The following VWA7 variants were observed in gnomAD, a reference collection of about 807,000 sequenced individuals.
The protein encoded by VWA7 is von Willebrand factor A domain-containing protein 7.
VWA7 carries 66 observed loss-of-function variants against 83.1 expected under a neutral mutation model. The ratio of observed to expected loss-of-function variants is 0.79; its 90% CI spans 0.65 to 0.98. The LOEUF (loss-of-function observed/expected upper bound fraction) is 0.98. Among genes scored for constraint, VWA7 ranks in the 50% least tolerant of loss-of-function variants. The pLI, the probability that VWA7 is intolerant of heterozygous loss-of-function variation, is 0.00. For missense variants in VWA7, 1,080 were observed against 1,160.2 expected (o/e 0.93, Z 1.00); for synonymous variants, 424 against 488.5 (o/e 0.87, Z 1.74).
rs569643687 is a variant in VWA7 at position 31,765,594 on chromosome 6, T to A, written c.2676A>T (p.Ter892CysextTer?). 18 of 1,610,336 alleles carry A rather than the reference T, an allele frequency of 1.1e-5. No homozygotes were observed. The East Asian group carries it at 3.6e-4, about 32-fold the overall frequency. Reference sequence around the variant, plus strand: ...ACCCATCCCTTTAGAGCCCGTTGTGTCACCAGGAGGCCAGGCCTAGCAGAA... The same window carrying A: ...ACCCATCCCTTTAGAGCCCGTTGTGACACCAGGAGGCCAGGCCTAGCAGAA... ...VLLLLGLASW* is the reference protein window; with the variant it reads ...VLLLLGLASWC The change falls in exon 17 of 17, where the codon TGA becomes TGT. Residue 892 changes from the stop codon to cysteine (C), a stop_lost. Coordinates refer to ENST00000375688, the MANE Select transcript of VWA7 (RefSeq NM_025258.3).
rs1811578780 is a variant in VWA7, at chr6:31,766,397, G to A, written c.2185-13C>T. The A allele has an allele frequency of 6.3e-7, 1 of 1,588,832 alleles. No individual in the cohort carries two copies. Among genetic ancestry groups the A allele is most frequent in the Non-Finnish European group, 8.6e-7 (1 of 1,168,286 alleles). ...AGGGGCCACTAAGCTGCAGAGAAGG[G>A]TTCTTCAGGGAAGGGGCCGCTCTAA... On this transcript the variant is annotated splice_polypyrimidine_tract_variant and intron_variant, in intron 14 of 16. Transcript: ENST00000375688. This position sits in a 1 kb window ranked among gnomAD's most constrained non-coding sequence, Gnocchi z 4.9.
intron 7 of VWA7, among the ~76,000 whole-genome samples, chr6:31,772,121 G>T (rs1236102030): frequency 6.6e-6 from 1 of 151,452 alleles, no homozygotes; most frequent in Non-Finnish European, 1.5e-5. Context: ...AGAAAGAGTG[G>T]GAGGCAAGTC....
chr6:31,777,079 A>G lies in VWA7; in HGVS notation c.-16+30T>C. 1 of 398,366 alleles carries G rather than the reference A, an allele frequency of 2.5e-6. No individual in the cohort carries two copies. Among genetic ancestry groups the G allele is most frequent in the Non-Finnish European group, 4.5e-6 (1 of 224,246 alleles). 24.7% of individuals were successfully genotyped at this position (398,366 alleles called of 1,614,324 possible). ...CGCAGAAACACTCCCCATGCTCAGGAAGCCTGAGTCCTCTCAGGCCCTCCC... is the reference window on the plus strand; with the variant it reads ...CGCAGAAACACTCCCCATGCTCAGGGAGCCTGAGTCCTCTCAGGCCCTCCC... On this transcript the variant is annotated intron_variant, in intron 1 of 16. Coordinates refer to ENST00000375688, the MANE Select transcript of VWA7 (RefSeq NM_025258.3). The surrounding 1 kb of genome is among the most constrained non-coding windows in gnomAD (Gnocchi z 5.8).
rs200770992 is a variant in VWA7, at chr6:31,767,635, G to C, written c.1623C>G (p.Ile541Met). The C allele has an allele frequency of 1.2e-6, 2 of 1,612,270 alleles. No individual in the cohort carries two copies. Among genetic ancestry groups the C allele is most frequent in the Non-Finnish European group, 1.7e-6 (2 of 1,178,446 alleles). The change falls in exon 11 of 17, where the codon ATC becomes ATG. Residue 541 changes from isoleucine (I) to methionine (M), a missense_variant. Ile to Met is a conservative substitution (Grantham distance 10). Transcript: ENST00000375688. Reference protein sequence around the residue: ...RIHGDISSFWIKNPAGVSQGQ... With the variant: ...RIHGDISSFWMKNPAGVSQGQ... ...CTTCAGAGGTACCTGCAGGGTTCTT[G>C]ATCCAGAAGCTGCTGATGTCTCCGT...
Position 31,766,266 on chromosome 6 carries a change from G to A in VWA7, c.2303C>T (p.Ser768Phe). ...DLRTFVNPSF[S>F]LTSNLSRAHL... ...TCACCTGGAGAGGTTGGAGGTGAGG[G>A]AGAAGCTGGGGTTGACGAAAGTCCT... Residue 768 changes from serine (S) to phenylalanine (F), a missense_variant, in exon 15 of 17, where the codon TCC becomes TTC. By Grantham distance (155) the Ser-to-Phe change is radical. Coordinates refer to ENST00000375688, the MANE Select transcript of VWA7 (RefSeq NM_025258.3). The surrounding 1 kb of genome is among the most constrained non-coding windows in gnomAD (Gnocchi z 4.9). The A allele has an allele frequency of 6.2e-7, 1 of 1,612,522 alleles. No individual in the cohort carries two copies. Among genetic ancestry groups the A allele is most frequent in the East Asian group, 2.2e-5 (1 of 44,880 alleles).
chr6:31,765,721 G>A lies in VWA7; in HGVS notation c.2549C>T (p.Ala850Val). ...TGTGAAGGGGGAAAAGGCAGGGGTG[G>A]CCGTGGTGAGGATCGGGTCAGATGA... ...TGSSDPILTTATPAFSPFTLV... is the reference protein window; with the variant it reads ...TGSSDPILTTVTPAFSPFTLV... Residue 850 changes from alanine (A) to valine (V), a missense_variant, in exon 17 of 17, where the codon GCC becomes GTC. Coordinates refer to ENST00000375688, the MANE Select transcript of VWA7 (RefSeq NM_025258.3). 1 of 1,594,072 alleles carries A rather than the reference G, an allele frequency of 6.3e-7. No homozygotes were observed. The highest frequency in any genetic ancestry group is 8.5e-7 in the Non-Finnish European group (1 of 1,170,870).
intron 10 of VWA7, 108 bp from the exon 11 acceptor site, chr6:31,767,862 G>C (rs752289014): frequency 6.7e-6 from 9 of 1,335,894 alleles, no homozygotes; most frequent in Non-Finnish European, 9.1e-6. Flanking sequence ...GCCGGGCGCA[G>C]TTGGTCACGC....
chr6:31,766,297 C>G lies in VWA7; in HGVS notation c.2272G>C (p.Asp758His). Residue 758 changes from aspartate (D) to histidine (H), a missense_variant, in exon 15 of 17, where the codon GAC becomes CAC. Coordinates refer to ENST00000375688, the MANE Select transcript of VWA7 (RefSeq NM_025258.3). This position sits in a 1 kb window ranked among gnomAD's most constrained non-coding sequence, Gnocchi z 4.9. ...CTGGGGTTGACGAAAGTCCTAAGGT[C>G]AAGATCCTGAGGGCCCGAGAAGCTG... ...IASFSGPQDLDLRTFVNPSFS... is the reference protein window; with the variant it reads ...IASFSGPQDLHLRTFVNPSFS... The G allele has an allele frequency of 6.2e-7, 1 of 1,612,516 alleles. No homozygotes were observed.
At position 31,776,756 on chromosome 6, in the gene VWA7, T is replaced by C. The variant is rs533891464; in HGVS notation, c.24A>G (p.Gln8=). Reference sequence around the variant, plus strand: ...GCAACGCTGAGGGGCCCGGGTGGGATTGGGGGACCTCCGTGGGGAGCATGG... The same window carrying C: ...GCAACGCTGAGGGGCCCGGGTGGGACTGGGGGACCTCCGTGGGGAGCATGG... MLPTEVP[Q]SHPGPSALLL... The change falls in exon 2 of 17, where the codon CAA becomes CAG. Residue 8 remains glutamine, a synonymous_variant. Coordinates refer to ENST00000375688, the MANE Select transcript of VWA7 (RefSeq NM_025258.3). This position sits in a 1 kb window ranked among gnomAD's most constrained non-coding sequence, Gnocchi z 6.2. 1.1e-5 allele frequency: 16 copies of C among 1,448,480 alleles called. No homozygotes were observed. The highest frequency in any genetic ancestry group is 2.9e-5 in the African/African-American group (2 of 69,508). The allele number at this position is 1,448,480 out of a possible 1,614,324, so 89.7% of individuals were successfully genotyped here.
chr6:31,776,516 A>T lies in VWA7; in HGVS notation c.234+30T>A. Reference sequence around the variant, plus strand: ...GCCCCATGGAATTGGGGACTCTGGCAGGGGTGTGACAGGACCCTGGGATGC... The same window carrying T: ...GCCCCATGGAATTGGGGACTCTGGCTGGGGTGTGACAGGACCCTGGGATGC... On this transcript the variant is annotated intron_variant, in intron 2 of 16. Transcript: ENST00000375688. This position sits in a 1 kb window ranked among gnomAD's most constrained non-coding sequence, Gnocchi z 6.2. 1 of 1,512,914 alleles carries T rather than the reference A, an allele frequency of 6.6e-7. No individual in the cohort carries two copies. The allele number at this position is 1,512,914 out of a possible 1,614,324, so 93.7% of individuals were successfully genotyped here.
At chr6:31,774,849 G>A (rs1046466072) in intron 4 of VWA7, among the ~76,000 whole-genome samples, 5 of 152,132 alleles carry the variant, frequency 3.3e-5, no homozygotes, top group African/African-American at 9.7e-5. Context: ...GGCTGGGTGC[G>A]GTGGCTCACG....
Position 31,776,959 on chromosome 6 carries a change from G to T in VWA7, c.-16+150C>A. On this transcript the variant is annotated intron_variant, in intron 1 of 16. Coordinates refer to ENST00000375688, the MANE Select transcript of VWA7 (RefSeq NM_025258.3). The surrounding 1 kb of genome is among the most constrained non-coding windows in gnomAD (Gnocchi z 6.2). ...ACCCAGACAACCTGAGGGCCTCATC[G>T]GACCATTAGGGACATACACACCTGC... The T allele has an allele frequency of 2.2e-6, 1 of 453,972 alleles. No individual in the cohort carries two copies. The highest frequency in any genetic ancestry group is 3.9e-5 in the Admixed American group (1 of 25,842). 28.1% of individuals were successfully genotyped at this position (453,972 alleles called of 1,614,324 possible).
Position 31,775,488 on chromosome 6 carries a change from C to A in VWA7, c.514-59G>T. The A allele has an allele frequency of 6.7e-7, 1 of 1,484,272 alleles. No homozygotes were observed. 91.9% of individuals were successfully genotyped at this position (1,484,272 alleles called of 1,614,324 possible). On this transcript the variant is annotated intron_variant, in intron 3 of 16. Coordinates refer to ENST00000375688, the MANE Select transcript of VWA7 (RefSeq NM_025258.3). The surrounding 1 kb of genome is among the most constrained non-coding windows in gnomAD (Gnocchi z 5.9). ...ACTAGTCTGGCCTTTCTCACCATCT[C>A]CAGCACTAATATGCCACTCCTTTGA...
In VWA7 at chr6:31,765,787, G is replaced by A; in HGVS notation, c.2500-17C>T. 6.3e-7 allele frequency: 1 copy of A among 1,584,536 alleles called. No individual in the cohort carries two copies. The highest frequency in any genetic ancestry group is 8.6e-7 in the Non-Finnish European group (1 of 1,163,916). On this transcript the variant is annotated splice_polypyrimidine_tract_variant and intron_variant, in intron 16 of 16. Coordinates refer to ENST00000375688, the MANE Select transcript of VWA7 (RefSeq NM_025258.3). ...GTGCCGGTCCTGTGGGGAAAAGGAA[G>A]AGAATGACAGGGTGTGCTAGAGCTG... is the stretch of plus-strand genomic sequence containing the variant.
chr6:31,770,273 G>T (rs1225359636), intron 7 of VWA7, among the ~76,000 whole-genome samples, 160 bp from the exon 8 acceptor site: 1 of 151,994 alleles, frequency 6.6e-6, no homozygotes, highest in Non-Finnish European at 1.5e-5. Flanking sequence ...CGGGTGCGGT[G>T]GCTCACACCT....
Position 31,767,434 on chromosome 6 carries a change from C to T in VWA7, c.1717G>A (p.Asp573Asn). 1.9e-6 allele frequency: 3 copies of T among 1,613,120 alleles called. No individual in the cohort carries two copies. Among genetic ancestry groups the T allele is most frequent in the South Asian group, 1.1e-5 (1 of 91,088 alleles). The change falls in exon 12 of 17, where the codon GAT (aspartate) becomes AAT (asparagine). Residue 573 changes from aspartate (D) to asparagine (N), a missense_variant. Transcript: ENST00000375688. Reference sequence around the variant, plus strand: ...CAGGTTCCTGTCTGTGGAGGGTCATCCATGGTCACCATCCAGAACTGCCCA... The same window carrying T: ...CAGGTTCCTGTCTGTGGAGGGTCATTCATGGTCACCATCCAGAACTGCCCA... Reference protein sequence around the residue: ...RFGQFWMVTMDDPPQTGTWEI... With the variant: ...RFGQFWMVTMNDPPQTGTWEI...
chr6:31,773,411 C>A lies in VWA7; in HGVS notation c.748G>T (p.Asp250Tyr), dbSNP rs552048751. 109 of 1,600,406 alleles carry A rather than the reference C, an allele frequency of 6.8e-5. 1 individual carries two copies. In the South Asian group the frequency reaches 1.2e-3, roughly 18 times the overall value. ...CTCGGTGGCTGGGAGCTGCTCCGGT[C>A]AAAATGGCCCCCGTGGCTACATTTC... ...PGKCSHGGHF[D>Y]RSSSQPPRGG... Residue 250 changes from aspartate (D) to tyrosine (Y), a missense_variant, in exon 6 of 17, where the codon GAC becomes TAC. Coordinates refer to ENST00000375688, the MANE Select transcript of VWA7 (RefSeq NM_025258.3). This position sits in a 1 kb window ranked among gnomAD's most constrained non-coding sequence, Gnocchi z 5.3.
rs1001172379 is a variant in VWA7, at chr6:31,773,188, C to G, written c.917+54G>C. ...TTTGTCCCCAGCGCCTGGTTTCTCC[C>G]TTCCCGCAGGAGCGCCTCCCCATGA... On this transcript the variant is annotated intron_variant, in intron 6 of 16. Coordinates refer to ENST00000375688, the MANE Select transcript of VWA7 (RefSeq NM_025258.3). The surrounding 1 kb of genome is among the most constrained non-coding windows in gnomAD (Gnocchi z 5.3). The G allele has an allele frequency of 4.4e-6, 7 of 1,590,376 alleles. No individual in the cohort carries two copies. In the Admixed American group the frequency reaches 1.3e-4, roughly 29 times the overall value.
chr6:31,776,360 A>G lies in VWA7; in HGVS notation c.235-118T>C. The stretch of plus-strand genomic sequence containing the variant: ...ATGAGGGTCCTGAGCCCCACAAAGG[A>G]GGGACAGTCCCGGACCTTTCTAAGG... On this transcript the variant is annotated intron_variant, in intron 2 of 16. Transcript: ENST00000375688. This position sits in a 1 kb window ranked among gnomAD's most constrained non-coding sequence, Gnocchi z 6.2. 1 of 1,433,392 alleles carries G rather than the reference A, an allele frequency of 7.0e-7. No individual in the cohort carries two copies. Among genetic ancestry groups the G allele is most frequent in the Non-Finnish European group, 9.4e-7 (1 of 1,066,940 alleles). The allele number at this position is 1,433,392 out of a possible 1,614,324, so 88.8% of individuals were successfully genotyped here.
Sources: allele counts gnomAD v4.1 joint callset (sites outside exome capture counted in the v4.1 genomes callset), GRCh38; gene constraint gnomAD v4.1.1; non-coding constraint Gnocchi (gnomAD v3.1); transcripts MANE v1.5; gene names NCBI Gene and HGNC (gene_info 2026-07-23, HGNC 2026-07-21).